DNAH9: variants seen among roughly 807,000 people sequenced by gnomAD.
DNAH9 encodes the protein dynein axonemal heavy chain 9, also known as DNAH9 variant protein.
DNAH9 carries 345 observed loss-of-function variants against 471.6 expected under a neutral mutation model. The ratio of observed to expected loss-of-function variants is 0.73; its 90% CI spans 0.67 to 0.80. The LOEUF is 0.80. DNAH9 is among the 30% of genes least tolerant of loss of function. The probability of loss-of-function intolerance (pLI) is 0.00; values close to 1 mark genes in which losing one functional copy is unlikely to be tolerated. For synonymous variants in DNAH9, 2,093 were observed against 2,123.6 expected (o/e 0.99, Z 0.40); for missense variants, 5,407 against 5,609.2 (o/e 0.96, Z 1.15).
At chr17:11,709,993 C>T (rs1207871104) in intron 26 of DNAH9, among the ~76,000 whole-genome samples, 1 of 152,074 alleles carries the variant, frequency 6.6e-6, no homozygotes, top group Admixed American at 6.6e-5. Context: ...AAGTTTTTCT[C>T]TCATGTTTTT....
At position 11,799,779 on chromosome 17, in the gene DNAH9, T is replaced by C. The variant is rs1864042438; in HGVS notation, c.8420+1986T>C. Among the ~76,000 whole-genome samples, 6 of 152,162 alleles carry C rather than the reference T, an allele frequency of 3.9e-5. No individual in the cohort carries two copies. The South Asian group carries it at 8.3e-4, about 21-fold the overall frequency. ...TTTGTGTTTTTAATAGAGACAGGGTTAAACGATGTTGGCCAGGCTGGTCTC... is the reference window on the plus strand; with the variant it reads ...TTTGTGTTTTTAATAGAGACAGGGTCAAACGATGTTGGCCAGGCTGGTCTC... On this transcript the variant is annotated intron_variant, in intron 43 of 68. Transcript: ENST00000262442.
rs3074845 is a variant in DNAH9, at chr17:11,960,435, T to TAAAAAAAA, written c.12844-1412_12844-1405dup. Among the ~76,000 whole-genome samples the TAAAAAAAA allele has an allele frequency of 7.7e-3, 417 of 54,012 alleles. 16 individuals carry two copies. The highest frequency in any genetic ancestry group is 0.016 in the Admixed American group (55 of 3,542). 35.4% of individuals were successfully genotyped at this position (54,012 alleles called of 152,430 possible). A position where few individuals can be genotyped will look rare whatever the true frequency, so the allele number is the denominator to read the frequency against. ...TGGGTGACAGAGCAAGACTCTGTCT[T>TAAAAAAAA]AAAAAAAAAAAAAAAAAAAAAAAAA... On this transcript the variant is annotated intron_variant, in intron 67 of 68. Coordinates refer to ENST00000262442, the MANE Select transcript of DNAH9 (RefSeq NM_001372.4).
At chr17:11,852,837 T>C (rs1371295776) in intron 49 of DNAH9, among the ~76,000 whole-genome samples, 9 of 136,210 alleles carry the variant, frequency 6.6e-5, no homozygotes, top group African/African-American at 1.9e-4. Flanking sequence ...TATATATATA[T>C]ATATATATAT....
Position 11,797,679 on chromosome 17 carries a change from T to C in DNAH9, c.8306T>C (p.Met2769Thr). ...FANGIGEPKY[M>T]PVQSWELLTQ... ...AATGGTATTGGGGAGCCCAAATACA[T>C]GCCTGTACAGTCTTGGGAACTTTTG... The change falls in exon 43 of 69, where the codon ATG (methionine) becomes ACG (threonine). Residue 2769 changes from methionine (M) to threonine (T), a missense_variant. Physicochemically the swap from Met to Thr is moderately conservative, Grantham distance 81. Around this residue, in one of 3 missense-constraint regions of DNAH9, gnomAD observed 4,636 missense variants for 4,900.3 expected, o/e 0.95. Coordinates refer to ENST00000262442, the MANE Select transcript of DNAH9 (RefSeq NM_001372.4). 2 of 1,614,212 alleles carry C rather than the reference T, an allele frequency of 1.2e-6. No individual in the cohort carries two copies. Among genetic ancestry groups the C allele is most frequent in the Non-Finnish European group, 1.7e-6 (2 of 1,180,026 alleles).
At chr17:11,816,291 A>C (rs543676350) in intron 45 of DNAH9, among the ~76,000 whole-genome samples, 2 of 152,356 alleles carry the variant, frequency 1.3e-5, no homozygotes, top group South Asian at 4.1e-4. Context: ...TCAGTTTAGG[A>C]AATACAGCAA....
At chr17:11,817,069 A>G (rs1370500176) in intron 45 of DNAH9, among the ~76,000 whole-genome samples, 1 of 146,850 alleles carries the variant, frequency 6.8e-6, no homozygotes, top group Non-Finnish European at 1.5e-5. Flanking sequence ...AAAAAAAATA[A>G]TAATAATAAT....
intron 36 of DNAH9, among the ~76,000 whole-genome samples, chr17:11,767,006 G>A (rs910255502): frequency 6.6e-6 from 1 of 151,816 alleles, no homozygotes; most frequent in African/African-American, 2.4e-5. Flanking sequence ...GAAAAAGAAA[G>A]GACCACTGGA....
chr17:11,969,360 A>G lies in DNAH9; in HGVS notation c.13294A>G (p.Ile4432Val). 6.2e-7 allele frequency: 1 copy of G among 1,614,110 alleles called. No individual in the cohort carries two copies. Among genetic ancestry groups the G allele is most frequent in the South Asian group, 1.1e-5 (1 of 91,064 alleles). The part of the protein sequence containing the change: ...DLTPPMPVMF[I>V]KAIPADKQDC... ...GACACCCCCTATGCCTGTGATGTTC[A>G]TCAAGGCCATTCCTGCAGATAAGCA... The change falls in exon 69 of 69, where the codon ATC becomes GTC. Residue 4432 changes from isoleucine (I) to valine (V), a missense_variant. By Grantham distance (29) the Ile-to-Val change is conservative. Transcript: ENST00000262442.
At chr17:11,796,108 A>G (rs1322782075) in intron 42 of DNAH9, among the ~76,000 whole-genome samples, 4 of 152,220 alleles carry the variant, frequency 2.6e-5, no homozygotes, top group Non-Finnish European at 5.9e-5. Flanking sequence ...ATAAAATCAC[A>G]GACTTGTTTT....
At chr17:11,653,733 T>C (rs766416013) in intron 14 of DNAH9, among the ~76,000 whole-genome samples, 1 of 152,184 alleles carries the variant, frequency 6.6e-6, no homozygotes, top group Admixed American at 6.5e-5. Flanking sequence ...ATTACCAGAA[T>C]TAAGATAATT....
intron 26 of DNAH9, among the ~76,000 whole-genome samples, chr17:11,713,796 T>G (rs111525702): frequency 1.1e-4 from 16 of 152,226 alleles, no homozygotes; most frequent in African/African-American, 3.9e-4. Context: ...AGTTTTACTC[T>G]TGATTTTCTT....
At chr17:11,702,148 C>T (rs1166509171) in intron 24 of DNAH9, among the ~76,000 whole-genome samples, 2 of 152,184 alleles carry the variant, frequency 1.3e-5, no homozygotes, top group East Asian at 3.9e-4. Flanking sequence ...GAGGAAGAGC[C>T]CAGGCTCAGA....
At chr17:11,897,640 G>A (rs1243678815) in intron 59 of DNAH9, among the ~76,000 whole-genome samples, 4 of 152,216 alleles carry the variant, frequency 2.6e-5, no homozygotes, top group Non-Finnish European at 2.9e-5. Context: ...CACAGGCTCT[G>A]GAGTCAGACA....
intron 23 of DNAH9, among the ~76,000 whole-genome samples, chr17:11,700,443 G>A (rs1253195347): frequency 1.3e-5 from 2 of 151,996 alleles, no homozygotes; most frequent in African/African-American, 2.4e-5. Flanking sequence ...CACAAACCAC[G>A]GGACCATTTA....
chr17:11,764,752 A>G (rs1487579980), intron 36 of DNAH9, among the ~76,000 whole-genome samples: 1 of 152,178 alleles, frequency 6.6e-6, no homozygotes, highest in Non-Finnish European at 1.5e-5. Flanking sequence ...CTTACATCAA[A>G]TGTTCTTAGC....
chr17:11,934,569 C>T (rs576222827), intron 65 of DNAH9, among the ~76,000 whole-genome samples: 7 of 151,430 alleles, frequency 4.6e-5, no homozygotes, highest in South Asian at 2.1e-4. Flanking sequence ...CCTCAGCCTC[C>T]CGAGTAGCTG....
chr17:11,820,227 G>A (rs28634081), intron 45 of DNAH9, among the ~76,000 whole-genome samples: 7,525 of 151,584 alleles, frequency 0.05, 630 homozygotes, highest in African/African-American at 0.17. Flanking sequence ...TTTTTCTAGT[G>A]TTTATCCTTG....
chr17:11,599,297 G>A (rs1007322550), intron 1 of DNAH9, among the ~76,000 whole-genome samples: 1 of 152,092 alleles, frequency 6.6e-6, no homozygotes, highest in African/African-American at 2.4e-5. Flanking sequence ...TCAGCCTCTC[G>A]TAATCCCTCC....
At chr17:11,789,007 CTTCTA>C (rs1316513073) in intron 41 of DNAH9, among the ~76,000 whole-genome samples, 1 of 151,968 alleles carries the variant, frequency 6.6e-6, no homozygotes, top group African/African-American at 2.4e-5. Context: ...AAGTTTTTCT[CTTCTA>C]TTCTGGTAAT....
Sources: gnomAD v4.1 joint callset for allele counts (sites outside exome capture counted in the v4.1 genomes callset) on GRCh38, gnomAD v4.1.1 for gene constraint, gnomAD v4.1.1 regional missense constraint, MANE v1.5 for transcripts, NCBI Gene and HGNC (gene_info 2026-07-23, HGNC 2026-07-21) for gene names.